QTMAN: variants seen among roughly 807,000 people sequenced by gnomAD.
QTMAN encodes tRNA-queuosine alpha-mannosyltransferase.
At chr2:143,938,963 A>C in the QTMAN span, 1 of 152,262 alleles carries the variant, frequency 6.6e-6, no homozygotes, top group African/African-American at 2.4e-5. Flanking sequence ...CTTCAATTGC[A>C]GAAGGCAGAC....
At chr2:144,220,948 A>T in the QTMAN span, among the ~76,000 whole-genome samples, 24 of 152,322 alleles carry the variant, frequency 1.6e-4, no homozygotes, top group African/African-American at 5.5e-4. Context: ...TAAATTTAAA[A>T]TATCAGATAA....
At chr2:144,210,051 T>A in the QTMAN span, among the ~76,000 whole-genome samples, 2 of 135,558 alleles carry the variant, frequency 1.5e-5, no homozygotes, top group African/African-American at 2.8e-5. Context: ...ATCTATATAT[T>A]ATGTGGGCGG....
the QTMAN span, among the ~76,000 whole-genome samples, chr2:144,085,411 C>T: frequency 2.0e-5 from 3 of 152,164 alleles, no homozygotes; most frequent in Admixed American, 2.0e-4. Context: ...GAATAGTGTG[C>T]TTTTGCTAGT....
the QTMAN span, among the ~76,000 whole-genome samples, chr2:144,043,891 C>G: frequency 6.6e-6 from 1 of 152,100 alleles, no homozygotes; most frequent in Admixed American, 6.5e-5. Flanking sequence ...CTGTGAAAAC[C>G]TTAGTGTACC....
At chr2:144,107,733 A>G in the QTMAN span, among the ~76,000 whole-genome samples, 598 of 152,346 alleles carry the variant, frequency 3.9e-3, 11 homozygotes, top group Admixed American at 0.024. Context: ...AAAAAGAGGT[A>G]TTCCTCCCTA....
At chr2:144,064,196 AC>A in the QTMAN span, among the ~76,000 whole-genome samples, 1 of 152,192 alleles carries the variant, frequency 6.6e-6, no homozygotes, top group Non-Finnish European at 1.5e-5. Context: ...AAAAACAGAC[AC>A]ATTTTATAGA....
At chr2:144,233,889 G>C in the QTMAN span, among the ~76,000 whole-genome samples, 1 of 151,982 alleles carries the variant, frequency 6.6e-6, no homozygotes, top group Non-Finnish European at 1.5e-5. Context: ...GACTTAAAAA[G>C]GGTCCAAGTC....
chr2:144,237,892 C>T, the QTMAN span, among the ~76,000 whole-genome samples: 1 of 152,214 alleles, frequency 6.6e-6, no homozygotes, highest in African/African-American at 2.4e-5. Context: ...GTTGTGAGGA[C>T]ACTCAAGCCA....
chr2:144,072,918 G>C, the QTMAN span, among the ~76,000 whole-genome samples: 1 of 152,166 alleles, frequency 6.6e-6, no homozygotes, highest in Non-Finnish European at 1.5e-5. Context: ...TTAAAACTTA[G>C]TTGGGACATC....
the QTMAN span, among the ~76,000 whole-genome samples, chr2:144,301,602 A>G: frequency 2.0e-5 from 3 of 152,244 alleles, no homozygotes; most frequent in Non-Finnish European, 4.4e-5. Flanking sequence ...AAAGATGCAA[A>G]TATCACAACC....
At chr2:144,054,015 G>A in the QTMAN span, among the ~76,000 whole-genome samples, 207 of 151,756 alleles carry the variant, frequency 1.4e-3, 1 homozygote, top group Non-Finnish European at 2.4e-3. Context: ...GTGAAACCCC[G>A]TCTCTACTAA....
At chr2:144,060,244 A>C in the QTMAN span, among the ~76,000 whole-genome samples, 2 of 151,866 alleles carry the variant, frequency 1.3e-5, no homozygotes, top group Non-Finnish European at 2.9e-5. Flanking sequence ...GGATAACCTA[A>C]TCCAAGCATC....
chr2:144,110,691 A>ACCCCC, the QTMAN span, among the ~76,000 whole-genome samples: 1 of 138,918 alleles, frequency 7.2e-6, no homozygotes, highest in African/African-American at 2.7e-5. Flanking sequence ...CCCCCCCCAA[A>ACCCCC]AAAAAAAAAC....
the QTMAN span, among the ~76,000 whole-genome samples, chr2:144,123,626 CT>C: frequency 6.6e-6 from 1 of 152,192 alleles, no homozygotes; most frequent in African/African-American, 2.4e-5. Context: ...GACAACTAAT[CT>C]TTTTTGGTTT....
At chr2:144,240,655 A>G in the QTMAN span, among the ~76,000 whole-genome samples, 1 of 152,254 alleles carries the variant, frequency 6.6e-6, no homozygotes. Context: ...AAATATTAAC[A>G]TAAAATCCAC....
chr2:144,118,995 T>G, the QTMAN span, among the ~76,000 whole-genome samples: 1 of 152,314 alleles, frequency 6.6e-6, no homozygotes, highest in Admixed American at 6.5e-5. Flanking sequence ...GGATGCCTTG[T>G]TGGCCCAAAT....
chr2:144,208,856 ATTT>A, the QTMAN span: 1 of 1,041,908 alleles, frequency 9.6e-7, no homozygotes, highest in African/African-American at 1.6e-5. Flanking sequence ...CATGTATAAA[ATTT>A]TTAATAAAAA....
the QTMAN span, among the ~76,000 whole-genome samples, chr2:144,191,861 T>C: frequency 6.6e-6 from 1 of 152,206 alleles, no homozygotes. Flanking sequence ...ATCTAATACT[T>C]TATAACTTTC....
chr2:144,093,126 G>A, the QTMAN span, among the ~76,000 whole-genome samples: 1 of 152,138 alleles, frequency 6.6e-6, no homozygotes, highest in African/African-American at 2.4e-5. Flanking sequence ...AAGCATGCTG[G>A]TCATAATGGA....
Sources: allele counts gnomAD v4.1 joint callset (sites outside exome capture counted in the v4.1 genomes callset), GRCh38; gene constraint gnomAD v4.1.1; transcripts MANE v1.5; gene names NCBI Gene and HGNC (gene_info 2026-07-23, HGNC 2026-07-21).